Variants in GTF2A1 observed in about 807,000 individuals in gnomAD.
The protein encoded by GTF2A1 is general transcription factor IIA subunit 1.
A neutral mutation model predicts 54.1 loss-of-function variants in GTF2A1; 12 were observed. That is an observed-to-expected ratio of 0.22 (90% CI 0.14 to 0.36). The LOEUF is 0.36. GTF2A1 is among the 10% of genes least tolerant of loss of function. The probability of loss-of-function intolerance (pLI) is 1.00; values close to 1 mark genes in which losing one functional copy is unlikely to be tolerated. For missense variants in GTF2A1, 335 were observed against 442.2 expected, an observed-to-expected ratio of 0.76 and a Z score of 2.17; for synonymous variants, 145 against 152.0, an observed-to-expected ratio of 0.95 and a Z score of 0.34.
intron 2 of GTF2A1, among the ~76,000 whole-genome samples, chr14:81,209,675 C>T (rs1893318708): frequency 6.6e-6 from 1 of 152,196 alleles, no homozygotes; most frequent in South Asian, 2.1e-4. Context: ...AACTTGTACT[C>T]TATTTTCTCA....
chr14:81,218,204 G>C, intron 1 of GTF2A1, among the ~76,000 whole-genome samples: 1 of 151,956 alleles, frequency 6.6e-6, no homozygotes. Flanking sequence ...CAGTAAACTA[G>C]ATGGTGTTTT....
intron 2 of GTF2A1, among the ~76,000 whole-genome samples, chr14:81,208,565 T>A (rs748229861): frequency 2.6e-5 from 4 of 152,084 alleles, no homozygotes; most frequent in African/African-American, 9.7e-5. Context: ...AGGGCCACAG[T>A]CCTCTAGATC....
intron 5 of GTF2A1, 63 bp from the exon 6 acceptor site, chr14:81,196,304 A>C (rs776274942): frequency 1.5e-4 from 227 of 1,534,462 alleles, no homozygotes; most frequent in Non-Finnish European, 1.9e-4. Context: ...AAAGAAATGA[A>C]TTCATATTTA....
At chr14:81,207,217 C>G (rs549410895) in intron 2 of GTF2A1, among the ~76,000 whole-genome samples, 2 of 152,190 alleles carry the variant, frequency 1.3e-5, no homozygotes, top group East Asian at 1.9e-4. Flanking sequence ...GTATTCCCAA[C>G]AAAATCTCAA....
At position 81,219,580 on chromosome 14, in the gene GTF2A1, C is replaced by T. The variant is rs546526045; in HGVS notation, c.30+909G>A. Among the ~76,000 whole-genome samples the T allele has an allele frequency of 2.0e-5, 3 of 152,310 alleles. No individual in the cohort carries two copies. In the South Asian group the frequency reaches 6.2e-4, roughly 32 times the overall value. On this transcript the variant is annotated intron_variant, in intron 1 of 8. Transcript: ENST00000553612. The stretch of plus-strand genomic sequence containing the variant: ...ACCCGAGTCGCCAACGGTACGGTGT[C>T]GGGCGGCCGCGGGCTGGTCTGCGGC...
chr14:81,202,655 T>C (rs746575974), intron 3 of GTF2A1: 4 of 514,730 alleles, frequency 7.8e-6, no homozygotes, highest in Admixed American at 4.0e-5. Context: ...AAAATACAAA[T>C]CAGAAATAAT....
intron 7 of GTF2A1, 109 bp downstream of exon 7, chr14:81,192,410 C>T: frequency 2.6e-6 from 2 of 777,964 alleles, no homozygotes; most frequent in South Asian, 1.8e-5. Context: ...TTATGTTGTA[C>T]AGCACCTAAC....
At chr14:81,188,965 T>G (rs1892811501) in intron 7 of GTF2A1, among the ~76,000 whole-genome samples, 2 of 152,242 alleles carry the variant, frequency 1.3e-5, no homozygotes, top group African/African-American at 4.8e-5. Flanking sequence ...CATAATTTGT[T>G]GAAGACTATT....
chr14:81,204,175 A>C (rs1893178831), intron 2 of GTF2A1, 71 bp from the exon 3 acceptor site: 4 of 973,506 alleles, frequency 4.1e-6, no homozygotes, highest in Admixed American at 3.4e-5. Context: ...CAGTTTTATT[A>C]ATCTCTTTAT....
intron 2 of GTF2A1, among the ~76,000 whole-genome samples, chr14:81,210,491 T>C (rs1893339645): frequency 6.6e-6 from 1 of 152,022 alleles, no homozygotes; most frequent in Admixed American, 6.6e-5. Context: ...ATGATGAAAA[T>C]AAAATAAATA....
chr14:81,216,485 A>G lies in GTF2A1; in HGVS notation c.60T>C (p.Asp20=). 3 of 1,530,322 alleles carry G rather than the reference A, an allele frequency of 2.0e-6. No homozygotes were observed. Among genetic ancestry groups the G allele is most frequent in the Non-Finnish European group, 2.7e-6 (3 of 1,103,820 alleles). The allele number at this position is 1,530,322 out of a possible 1,614,324, so 94.8% of individuals were successfully genotyped here. ...AGATGTCTCTCACATCATTAATGAC[A>G]TCTTCAATCACAGATCTGTATAATT... ...VPKLYRSVIE[D]VINDVRDIFL... is the part of the protein sequence containing the mutation. Residue 20 remains aspartate, a synonymous_variant, in exon 2 of 9, where the codon GAT becomes GAC. Transcript: ENST00000553612.
chr14:81,192,608 C>G lies in GTF2A1; in HGVS notation c.844G>C (p.Glu282Gln), dbSNP rs771415588. The G allele has an allele frequency of 1.9e-6, 3 of 1,606,158 alleles. No homozygotes were observed. Among genetic ancestry groups the G allele is most frequent in the Non-Finnish European group, 2.6e-6 (3 of 1,172,648 alleles). The change falls in exon 7 of 9, where the codon GAA becomes CAA. Residue 282 changes from glutamate (E) to glutamine (Q), a missense_variant. Coordinates refer to ENST00000553612, the MANE Select transcript of GTF2A1 (RefSeq NM_015859.4). ...QVDGTGDTSS[E>Q]EDEDEEEDYD... ...TCTTCTTCTTCATCTTCATCTTCTT[C>G]AGATGATGTATCCCCAGTTCCATCA...
Position 81,192,737 on chromosome 14 carries a change from T to G in GTF2A1, c.715A>C (p.Thr239Pro). ...TGNKTQVIPT[T>P]VAAPTPAQAQ... ...TGGGCTGGTGTAGGTGCTGCCACTG[T>G]CGTAGGTATAACTTGAGTCTTATTT... is the stretch of plus-strand genomic sequence containing the variant. Residue 239 changes from threonine (T) to proline (P), a missense_variant, in exon 7 of 9, where the codon ACA becomes CCA. This residue lies in a region of GTF2A1 where 306 missense variants were observed against 360.4 expected (regional missense o/e 0.85). Transcript: ENST00000553612. 6.2e-7 allele frequency: 1 copy of G among 1,613,786 alleles called. No homozygotes were observed. The highest frequency in any genetic ancestry group is 8.5e-7 in the Non-Finnish European group (1 of 1,179,604).
chr14:81,195,057 T>C (rs911587805), intron 6 of GTF2A1, among the ~76,000 whole-genome samples: 3 of 150,654 alleles, frequency 2.0e-5, no homozygotes, highest in Non-Finnish European at 4.4e-5. Flanking sequence ...GGAGAATCAC[T>C]TGAACCCAGG....
chr14:81,196,359 AATTTT>A (rs1892993933), intron 5 of GTF2A1, 118 bp from the exon 6 acceptor site: 4 of 1,031,956 alleles, frequency 3.9e-6, no homozygotes, highest in South Asian at 2.9e-5. Flanking sequence ...GAAAACTAAC[AATTTT>A]ATTAAAGGTT....
rs1892527654 is a variant in GTF2A1 at position 81,176,337 on chromosome 14, AT to A, written c.*3885del. 6.6e-6 allele frequency: 1 copy of A among 152,132 alleles called. No homozygotes were observed. Among genetic ancestry groups the A allele is most frequent in the African/African-American group, 2.4e-5 (1 of 41,446 alleles). 9.4% of individuals were successfully genotyped at this position (152,132 alleles called of 1,614,324 possible). On this transcript the variant is annotated 3_prime_UTR_variant, in exon 9 of 9. Coordinates refer to ENST00000553612, the MANE Select transcript of GTF2A1 (RefSeq NM_015859.4). The stretch of plus-strand genomic sequence containing the variant: ...CAAACATAATAAATATATTTACGCC[AT>A]TACACATAACAGTATGTACAACAGC...
intron 3 of GTF2A1, 96 bp from the exon 4 acceptor site, chr14:81,201,754 G>A: frequency 2.6e-6 from 2 of 778,058 alleles, no homozygotes; most frequent in South Asian, 3.1e-5. Flanking sequence ...CTTTTTTCAT[G>A]TTTTTCATGT....
In GTF2A1 at chr14:81,220,872, C is replaced by T; in HGVS notation, c.-354G>A. 7.5e-6 allele frequency: 2 copies of T among 266,290 alleles called. No homozygotes were observed. Among genetic ancestry groups the T allele is most frequent in the Non-Finnish European group, 1.4e-5 (2 of 141,768 alleles). The allele number at this position is 266,290 out of a possible 1,614,324, so 16.5% of individuals were successfully genotyped here. On this transcript the variant is annotated 5_prime_UTR_variant, in exon 1 of 9. Transcript: ENST00000553612. The stretch of plus-strand genomic sequence containing the variant: ...CTGCCGCCACCGGCTGCAGCTCCAG[C>T]CGTCCGGTCCGCCCGCTTCTCTCCT...
chr14:81,176,009 C>G lies in GTF2A1; in HGVS notation c.*4214G>C, dbSNP rs961227422. The G allele has an allele frequency of 6.6e-6, 1 of 152,052 alleles. No homozygotes were observed. 9.4% of individuals were successfully genotyped at this position (152,052 alleles called of 1,614,324 possible). On this transcript the variant is annotated 3_prime_UTR_variant, in exon 9 of 9. Coordinates refer to ENST00000553612, the MANE Select transcript of GTF2A1 (RefSeq NM_015859.4). ...TCTCAATCTACTTATCTTTAAGGTA[C>G]AGAATTTAGCATCTTTTTGTTGTTG... is the stretch of plus-strand genomic sequence containing the variant.
Sources: gnomAD v4.1 joint callset for allele counts (sites outside exome capture counted in the v4.1 genomes callset) on GRCh38, gnomAD v4.1.1 for gene constraint, gnomAD v4.1.1 regional missense constraint, MANE v1.5 for transcripts, NCBI Gene and HGNC (gene_info 2026-07-23, HGNC 2026-07-21) for gene names.